Variants in TIAM1 observed in about 807,000 individuals in gnomAD.
TIAM1 encodes the protein TIAM Rac1 associated GEF 1.
Under a neutral mutation model 163.5 loss-of-function variants are expected in TIAM1, and 65 were observed. The ratio of observed to expected loss-of-function variants is 0.40; its 90% confidence interval spans 0.33 to 0.49. TIAM1 has a LOEUF of 0.49. Among genes scored for constraint, TIAM1 ranks in the 20% least tolerant of loss-of-function variants. TIAM1 has a pLI of 0.77. For synonymous variants in TIAM1, 833 were observed against 810.1 expected, an observed-to-expected ratio of 1.03 and a Z score of -0.48; for missense variants, 1,789 against 2,044.7, an observed-to-expected ratio of 0.87 and a Z score of 2.41.
intron 5 of TIAM1, among the ~76,000 whole-genome samples, chr21:31,249,841 C>T (rs1028581744): frequency 2.6e-5 from 4 of 152,142 alleles, no homozygotes; most frequent in Non-Finnish European, 5.9e-5. Context: ...GGCAAGACCA[C>T]TACAGCAAAA....
At chr21:31,334,345 C>T (rs902759974) in intron 2 of TIAM1, among the ~76,000 whole-genome samples, 5 of 151,258 alleles carry the variant, frequency 3.3e-5, no homozygotes, top group Non-Finnish European at 5.9e-5. Flanking sequence ...AGTGCAATGG[C>T]GTGGTTCTGA....
At chr21:31,449,205 T>C (rs917688014) in intron 2 of TIAM1, among the ~76,000 whole-genome samples, 2 of 151,972 alleles carry the variant, frequency 1.3e-5, no homozygotes, top group Non-Finnish European at 2.9e-5. Context: ...GCTCAAGTGA[T>C]CGTCACACTG....
chr21:31,427,653 A>G (rs2043843402), intron 2 of TIAM1, among the ~76,000 whole-genome samples: 1 of 151,750 alleles, frequency 6.6e-6, no homozygotes, highest in African/African-American at 2.4e-5. Context: ...GAGACCTCAT[A>G]TCTATGAAAA....
chr21:31,357,277 C>A (rs773362983), intron 2 of TIAM1, among the ~76,000 whole-genome samples: 48 of 152,340 alleles, frequency 3.2e-4, no homozygotes, highest in Non-Finnish European at 5.6e-4. Context: ...CTCACCCACA[C>A]TCACGAAGTT....
chr21:31,131,074 C>T, intron 23 of TIAM1, 126 bp from the exon 24 acceptor site: 1 of 680,100 alleles, frequency 1.5e-6, no homozygotes, highest in Admixed American at 2.4e-5. Flanking sequence ...TTAACTGACT[C>T]CCACCCACCT....
intron 2 of TIAM1, among the ~76,000 whole-genome samples, chr21:31,295,396 G>C (rs1362691555): frequency 6.7e-6 from 1 of 149,874 alleles, no homozygotes; most frequent in Non-Finnish European, 1.5e-5. Flanking sequence ...CGTGAACCCA[G>C]GAGGCGGAGC....
At chr21:31,173,532 A>AATAG (rs2084620275) in intron 15 of TIAM1, among the ~76,000 whole-genome samples, 1 of 148,104 alleles carries the variant, frequency 6.8e-6, no homozygotes, top group Non-Finnish European at 1.5e-5. Context: ...GAGCGAGAGA[A>AATAG]AGAGAGAGAG....
In TIAM1 at chr21:31,217,239, C is replaced by T. The variant is rs573109747; in HGVS notation, c.2142+314G>A. On this transcript the variant is annotated intron_variant, in intron 9 of 27. Coordinates refer to ENST00000541036, the MANE Select transcript of TIAM1 (RefSeq NM_001353694.2). Reference sequence around the variant, plus strand: ...AAAAAAGACTGCACTCAGGTACCCACTTGGCTTCATTGCAGAGCCCTGCTT... The same window carrying T: ...AAAAAAGACTGCACTCAGGTACCCATTTGGCTTCATTGCAGAGCCCTGCTT... Among the ~76,000 whole-genome samples, 117 of 152,052 alleles carry T rather than the reference C, an allele frequency of 7.7e-4. 1 individual carries two copies. Among genetic ancestry groups the T allele is most frequent in the African/African-American group, 2.7e-3 (112 of 41,468 alleles).
intron 2 of TIAM1, among the ~76,000 whole-genome samples, chr21:31,309,035 C>T (rs576619817): frequency 2.1e-3 from 317 of 152,162 alleles, no homozygotes; most frequent in Middle Eastern, 6.8e-3. Context: ...ATGACCTCCA[C>T]CTCACCAAAT....
intron 6 of TIAM1, among the ~76,000 whole-genome samples, chr21:31,234,712 G>A (rs1280521430): frequency 1.3e-5 from 2 of 152,078 alleles, no homozygotes; most frequent in African/African-American, 4.8e-5. Context: ...GCCTTGGGAG[G>A]CTGAGGCTGC....
chr21:31,170,490 T>C (rs1438051468), intron 15 of TIAM1, among the ~76,000 whole-genome samples: 1 of 151,988 alleles, frequency 6.6e-6, no homozygotes, highest in Non-Finnish European at 1.5e-5. Flanking sequence ...AAATATTTTA[T>C]GAAAGAAAAA....
intron 2 of TIAM1, among the ~76,000 whole-genome samples, chr21:31,433,194 C>T (rs2044101515): frequency 6.6e-6 from 1 of 152,160 alleles, no homozygotes; most frequent in Non-Finnish European, 1.5e-5. Flanking sequence ...GTCACCCAAG[C>T]CTTCCTAGAT....
Position 31,210,084 on chromosome 21 carries a change from T to C in TIAM1, c.2349A>G (p.Pro783=), listed in dbSNP as rs2086645820. The C allele has an allele frequency of 1.2e-6, 2 of 1,614,152 alleles. No individual in the cohort carries two copies. The highest frequency in any genetic ancestry group is 1.7e-6 in the Non-Finnish European group (2 of 1,180,034). The change falls in exon 11 of 28, where the codon CCA becomes CCG. Residue 783 remains proline, a synonymous_variant. Coordinates refer to ENST00000541036, the MANE Select transcript of TIAM1 (RefSeq NM_001353694.2). ...NNQPALTVVR[P]GDTARDTLEL... ...CCAGGGTGTCCCGTGCAGTGTCGCC[T>C]GGCCGGACGACCGTCAGGGCAGGCT...
chr21:31,427,914 G>A (rs1229113215), intron 2 of TIAM1, among the ~76,000 whole-genome samples: 1 of 152,100 alleles, frequency 6.6e-6, no homozygotes, highest in Non-Finnish European at 1.5e-5. Flanking sequence ...TTTAAAAAGA[G>A]AAAGCAAATA....
At position 31,419,912 on chromosome 21, in the gene TIAM1, G is replaced by A. The variant is rs4817398; in HGVS notation, c.-369+44071C>T. 3.6e-4 allele frequency among the ~76,000 whole-genome samples: 54 copies of A among 152,108 alleles called. 2 individuals are homozygous for A. Among genetic ancestry groups the A allele is most frequent in the Admixed American group, 1.8e-3 (28 of 15,268 alleles). ...CTAAAAATACAAAAATTATCCAAGC[G>A]TGGTGGCGCGTCTGTGGTCCCAGCT... On this transcript the variant is annotated intron_variant, in intron 2 of 28. Coordinates refer to the TIAM1 transcript ENST00000286827.
rs144487146 is a variant in TIAM1 at position 31,468,592 on chromosome 21, C to T, written c.-421-4557G>A. Among the ~76,000 whole-genome samples, 34 of 151,748 alleles carry T rather than the reference C, an allele frequency of 2.2e-4. No individual in the cohort carries two copies. In the East Asian group the frequency reaches 3.7e-3, roughly 17 times the overall value. On this transcript the variant is annotated intron_variant, in intron 1 of 28. Transcript: ENST00000286827. ...GAGGTGGAGACCATCCTAGCTAACA[C>T]GGTGAAACCCGTCTCTACTAAAAAT... is the stretch of plus-strand genomic sequence containing the variant.
intron 2 of TIAM1, among the ~76,000 whole-genome samples, chr21:31,306,279 G>A (rs927774832): frequency 1.3e-5 from 2 of 151,264 alleles, no homozygotes; most frequent in East Asian, 1.9e-4. Context: ...GCAAGACCCT[G>A]TCTCTAAAAA....
At chr21:31,201,805 G>A (rs2086216765) in intron 12 of TIAM1, among the ~76,000 whole-genome samples, 1 of 152,140 alleles carries the variant, frequency 6.6e-6, no homozygotes, top group Non-Finnish European at 1.5e-5. Flanking sequence ...GAGAGCACAG[G>A]AACTCCAAAA....
intron 5 of TIAM1, among the ~76,000 whole-genome samples, chr21:31,248,696 C>T (rs1569102905): frequency 6.6e-6 from 1 of 152,148 alleles, no homozygotes; most frequent in Non-Finnish European, 1.5e-5. Context: ...AGCTGCAAGT[C>T]TTGCTTTTGA....
Sources: gnomAD v4.1 joint callset for allele counts (sites outside exome capture counted in the v4.1 genomes callset) on GRCh38, gnomAD v4.1.1 for gene constraint, MANE v1.5 for transcripts, NCBI Gene and HGNC (gene_info 2026-07-23, HGNC 2026-07-21) for gene names.